ZNF578: variants seen among roughly 807,000 people sequenced by gnomAD.
The protein encoded by ZNF578 is Putative chemokine-related protein B42.
In ZNF578, 8 loss-of-function variants were observed where a neutral mutation model predicts 8.3. That is an observed-to-expected ratio of 0.96 (90% CI 0.56 to 1.74). The LOEUF (loss-of-function observed/expected upper bound fraction) is 1.74, where lower values mean the gene tolerates loss of function less well. Among genes scored for constraint, ZNF578 ranks in the 40% most tolerant of loss-of-function variants. ZNF578 has a pLI of 0.00. For missense variants in ZNF578, 726 were observed against 707.5 expected, an observed-to-expected ratio of 1.03 and a Z score of -0.30; for synonymous variants, 206 against 232.2, an observed-to-expected ratio of 0.89 and a Z score of 1.03.
At chr19:52,504,834 T>C in intron 5 of ZNF578, 53 bp downstream of exon 5, 1 of 1,600,530 alleles carries the variant, frequency 6.2e-7, no homozygotes, top group Non-Finnish European at 8.5e-7. Flanking sequence ...CTGTCTTGGC[T>C]CTTCCTGGTT....
chr19:52,480,034 C>T (rs575063169), intron 2 of ZNF578, among the ~76,000 whole-genome samples: 2 of 152,212 alleles, frequency 1.3e-5, no homozygotes, highest in East Asian at 1.9e-4. Context: ...CTCAGCCTCC[C>T]GAGTAGCTGG....
intron 4 of ZNF578, among the ~76,000 whole-genome samples, chr19:52,503,183 T>C (rs2059413504): frequency 6.6e-6 from 1 of 152,178 alleles, no homozygotes; most frequent in African/African-American, 2.4e-5. Context: ...CACCACCATG[T>C]CTGGCCTTAT....
At chr19:52,469,903 T>C (rs2059286907) in intron 2 of ZNF578, among the ~76,000 whole-genome samples, 1 of 152,132 alleles carries the variant, frequency 6.6e-6, no homozygotes, top group African/African-American at 2.4e-5. Flanking sequence ...ACACAAGCTC[T>C]TATGTGAGTG....
chr19:52,468,492 A>C (rs2059282275), intron 2 of ZNF578, among the ~76,000 whole-genome samples: 1 of 152,224 alleles, frequency 6.6e-6, no homozygotes, highest in South Asian at 2.1e-4. Context: ...CTGGAGTTTC[A>C]AGAGTAAACA....
At chr19:52,487,791 G>A (rs1056526882) in intron 2 of ZNF578, among the ~76,000 whole-genome samples, 5 of 151,678 alleles carry the variant, frequency 3.3e-5, no homozygotes, top group African/African-American at 9.7e-5. Flanking sequence ...CACCAAGCCC[G>A]GCTAGTTTTC....
At chr19:52,481,815 T>C (rs536659795) in intron 2 of ZNF578, among the ~76,000 whole-genome samples, 1 of 151,402 alleles carries the variant, frequency 6.6e-6, no homozygotes, top group African/African-American at 2.4e-5. Context: ...ACTGCAGCCT[T>C]GACCTGCTAG....
At chr19:52,454,250 A>G (rs1207773117) in intron 1 of ZNF578, 3 of 152,238 alleles carry the variant, frequency 2.0e-5, no homozygotes, top group Non-Finnish European at 1.5e-5. Context: ...GGTAGTAAAC[A>G]CTGAACCCAG....
chr19:52,493,878 T>TA (rs761995223), intron 3 of ZNF578, among the ~76,000 whole-genome samples: 2 of 151,732 alleles, frequency 1.3e-5, no homozygotes, highest in Admixed American at 6.6e-5. Context: ...TAACGCCAGC[T>TA]ATTAGGGAGG....
At chr19:52,488,425 G>A (rs1176971506) in intron 2 of ZNF578, among the ~76,000 whole-genome samples, 5 of 151,926 alleles carry the variant, frequency 3.3e-5, no homozygotes, top group South Asian at 2.1e-4. Context: ...TGGCTAACAC[G>A]GTGAAACCCA....
At position 52,481,855 on chromosome 19, in the gene ZNF578, C is replaced by T. The variant is rs577371415; in HGVS notation, c.-121-9469C>T. ...AAGCAATCCTCCTACTTCAGCCTCC[C>T]GAGTAGCTGGGACCACAGGTGTGAA... is the stretch of plus-strand genomic sequence containing the variant. On this transcript the variant is annotated intron_variant, in intron 2 of 5. Transcript: ENST00000421239. 1.8e-3 allele frequency among the ~76,000 whole-genome samples: 271 copies of T among 152,070 alleles called. 1 individual carries two copies. Among genetic ancestry groups the T allele is most frequent in the Admixed American group, 3.0e-3 (46 of 15,280 alleles).
chr19:52,502,783 TC>T lies in ZNF578; in HGVS notation c.63+876del, dbSNP rs529539643. ...AGAAGGTGTCGCTCTGTGGCTTAGTTCTGGAGTACAATGGCACAATTCAGAG... is the reference window on the plus strand; with the variant it reads ...AGAAGGTGTCGCTCTGTGGCTTAGTTTGGAGTACAATGGCACAATTCAGAG... On this transcript the variant is annotated intron_variant, in intron 4 of 5. Transcript: ENST00000421239. Among the ~76,000 whole-genome samples, 481 of 152,142 alleles carry T rather than the reference TC, an allele frequency of 3.2e-3. 2 individuals are homozygous for T. Among genetic ancestry groups the T allele is most frequent in the African/African-American group, 0.01 (426 of 41,472 alleles).
intron 2 of ZNF578, among the ~76,000 whole-genome samples, chr19:52,460,625 A>ATC (rs2059254889): frequency 6.6e-6 from 1 of 152,168 alleles, no homozygotes; most frequent in Non-Finnish European, 1.5e-5. Context: ...ATTCCTTTGA[A>ATC]GTGCAAAAAC....
At chr19:52,481,796 C>G (rs981589612) in intron 2 of ZNF578, among the ~76,000 whole-genome samples, 10 of 150,942 alleles carry the variant, frequency 6.6e-5, no homozygotes, top group Admixed American at 5.3e-4. Flanking sequence ...AGTGGTGTAA[C>G]TTCCTCTAAC....
chr19:52,477,539 G>A (rs1244131876), intron 2 of ZNF578, among the ~76,000 whole-genome samples: 1 of 151,700 alleles, frequency 6.6e-6, no homozygotes, highest in African/African-American at 2.4e-5. Flanking sequence ...AGATCTCACT[G>A]CATTCCTTTT....
In ZNF578 at chr19:52,511,909, C is replaced by G; in HGVS notation, c.1528C>G (p.Pro510Ala). The change falls in exon 6 of 6, where the codon CCT becomes GCT. Residue 510 changes from proline (P) to alanine (A), a missense_variant. Coordinates refer to ENST00000421239, the MANE Select transcript of ZNF578 (RefSeq NM_001099694.2). ...CHRRLHSGEK[P>A]YKCNECGKTF... ...TCGTAGACTTCATAGTGGTGAGAAA[C>G]CTTACAAGTGTAATGAATGTGGGAA... The G allele has an allele frequency of 6.2e-7, 1 of 1,613,676 alleles. No homozygotes were observed. Among genetic ancestry groups the G allele is most frequent in the East Asian group, 2.2e-5 (1 of 44,828 alleles).
At chr19:52,487,364 G>A (rs1207308172) in intron 2 of ZNF578, among the ~76,000 whole-genome samples, 1 of 152,062 alleles carries the variant, frequency 6.6e-6, no homozygotes, top group Non-Finnish European at 1.5e-5. Flanking sequence ...GATATGATTA[G>A]TTGTGACATG....
intron 3 of ZNF578, among the ~76,000 whole-genome samples, chr19:52,495,490 T>C (rs760240990): frequency 0.16 from 22,768 of 139,232 alleles, 2,118 homozygotes; most frequent in Non-Finnish European, 0.19. Context: ...AGGAGAGGGG[T>C]ATAAAATGAG....
At chr19:52,481,166 T>G (rs1400169106) in intron 2 of ZNF578, among the ~76,000 whole-genome samples, 1 of 152,088 alleles carries the variant, frequency 6.6e-6, no homozygotes, top group East Asian at 1.9e-4. Context: ...TTACTCTCAG[T>G]ACCTCTTTAG....
intron 2 of ZNF578, among the ~76,000 whole-genome samples, chr19:52,468,785 C>G (rs568443128): frequency 6.6e-6 from 1 of 152,114 alleles, no homozygotes; most frequent in Non-Finnish European, 1.5e-5. Context: ...CTTGCTGAGT[C>G]TTCTGGTTCT....
Sources: gnomAD v4.1 joint callset for allele counts (sites outside exome capture counted in the v4.1 genomes callset) on GRCh38, gnomAD v4.1.1 for gene constraint, MANE v1.5 for transcripts, NCBI Gene and HGNC (gene_info 2026-07-23, HGNC 2026-07-21) for gene names.